COL28A1: variants seen among roughly 807,000 people sequenced by gnomAD.
COL28A1 encodes collagen alpha-1(XXVIII) chain.
Under a neutral mutation model 150.2 loss-of-function variants are expected in COL28A1, and 161 were observed. That is an observed-to-expected ratio of 1.07 (90% CI 0.94 to 1.22). The LOEUF is 1.22. Among genes scored for constraint, COL28A1 ranks in the 50% most tolerant of loss-of-function variants. COL28A1 has a pLI of 0.00. For synonymous variants in COL28A1, 552 were observed against 469.7 expected, an observed-to-expected ratio of 1.18 and a Z score of -2.26; for missense variants, 1,617 against 1,388.3, an observed-to-expected ratio of 1.16 and a Z score of -2.62.
chr7:7,387,121 T>C (rs551293200), intron 27 of COL28A1, among the ~76,000 whole-genome samples: 17 of 152,172 alleles, frequency 1.1e-4, no homozygotes, highest in African/African-American at 3.9e-4. Context: ...TTTCAACATA[T>C]GAATGTGGGG....
chr7:7,388,777 C>T (rs112182017), intron 27 of COL28A1, among the ~76,000 whole-genome samples: 5 of 152,108 alleles, frequency 3.3e-5, no homozygotes, highest in African/African-American at 4.8e-5. Context: ...CTTTTTTTCA[C>T]GTTTGCTGAC....
At position 7,453,423 on chromosome 7, in the gene COL28A1, C is replaced by T. The variant is rs1423437006; in HGVS notation, c.1440+17G>A. 1.9e-6 allele frequency: 2 copies of T among 1,060,202 alleles called. No homozygotes were observed. Among genetic ancestry groups the T allele is most frequent in the East Asian group, 4.7e-5 (2 of 42,482 alleles). The allele number at this position is 1,060,202 out of a possible 1,614,324, so 65.7% of individuals were successfully genotyped here. A position where few individuals can be genotyped will look rare whatever the true frequency, so the allele number is the denominator to read the frequency against. On this transcript the variant is annotated intron_variant, in intron 17 of 34. Coordinates refer to ENST00000399429, the MANE Select transcript of COL28A1 (RefSeq NM_001037763.3). ...TACTATAGATATATTAAACTCCGCT[C>T]TCATTTACAAAGTTACCTTGGAACC...
chr7:7,530,493 C>T (rs527319750), intron 3 of COL28A1, among the ~76,000 whole-genome samples: 21 of 152,308 alleles, frequency 1.4e-4, no homozygotes, highest in Non-Finnish European at 2.9e-5. Context: ...TAAAGGACAC[C>T]TTTGCCTTCC....
upstream of COL28A1, among the ~76,000 whole-genome samples, chr7:7,537,767 G>A (rs148409035): frequency 3.1e-3 from 467 of 152,216 alleles, 6 homozygotes; most frequent in African/African-American, 0.011. Context: ...AAATAACAAC[G>A]GAATTTCCTA....
intron 11 of COL28A1, among the ~76,000 whole-genome samples, chr7:7,500,271 G>A (rs898782773): frequency 2.0e-5 from 3 of 152,176 alleles, no homozygotes; most frequent in East Asian, 3.8e-4. Flanking sequence ...CCTGTCTTCA[G>A]TATGATACTG....
Position 7,373,180 on chromosome 7 carries a change from G to T in COL28A1, c.2726C>A (p.Ser909Tyr). ...ALVITDGQTDSRDKEKLTEVV... is the reference protein window; with the variant it reads ...ALVITDGQTDYRDKEKLTEVV... ...CTCTGTCAGTTTCTCTTTATCACGAGAATCTGTCTGTCCATCAGTGATGAC... is the reference window on the plus strand; with the variant it reads ...CTCTGTCAGTTTCTCTTTATCACGATAATCTGTCTGTCCATCAGTGATGAC... The change falls in exon 32 of 35, where the codon TCT becomes TAT. Residue 909 changes from serine (S) to tyrosine (Y), a missense_variant. Physicochemically the swap from Ser to Tyr is moderately radical, Grantham distance 144. Coordinates refer to ENST00000399429, the MANE Select transcript of COL28A1 (RefSeq NM_001037763.3). The surrounding 1 kb of genome is among the most constrained non-coding windows in gnomAD (Gnocchi z 4.1). 6.2e-7 allele frequency: 1 copy of T among 1,614,168 alleles called. No homozygotes were observed. The highest frequency in any genetic ancestry group is 1.1e-5 in the South Asian group (1 of 91,080).
chr7:7,536,959 A>G (rs1030112176), upstream of COL28A1, among the ~76,000 whole-genome samples: 1 of 152,210 alleles, frequency 6.6e-6, no homozygotes, highest in South Asian at 2.1e-4. Context: ...GATAATGAAG[A>G]CAATTTTCCC....
chr7:7,471,924 A>T (rs1347932017), intron 15 of COL28A1, among the ~76,000 whole-genome samples: 1 of 152,178 alleles, frequency 6.6e-6, no homozygotes, highest in East Asian at 1.9e-4. Context: ...CAAAAATCAC[A>T]TGATGATCTC....
chr7:7,507,248 T>C, intron 9 of COL28A1, 87 bp from the exon 10 acceptor site: 6 of 716,904 alleles, frequency 8.4e-6, no homozygotes, highest in Non-Finnish European at 1.2e-5. Flanking sequence ...AAATGTGTTC[T>C]CGGTAATTGC....
the COL28A1 span, among the ~76,000 whole-genome samples, chr7:7,343,306 GCCC>G: frequency 6.6e-6 from 1 of 151,810 alleles, no homozygotes; most frequent in East Asian, 1.9e-4. Context: ...TATGCCTCAT[GCCC>G]CCTTTTTTCC....
At chr7:7,517,731 G>A (rs1215619653) in intron 7 of COL28A1, 65 bp downstream of exon 7, 2 of 1,610,288 alleles carry the variant, frequency 1.2e-6, no homozygotes, top group African/African-American at 2.7e-5. Flanking sequence ...GGGTCAAAAT[G>A]GTCAACCACA....
At chr7:7,386,661 A>G (rs922708723) in intron 27 of COL28A1, among the ~76,000 whole-genome samples, 2 of 152,178 alleles carry the variant, frequency 1.3e-5, no homozygotes, top group African/African-American at 2.4e-5. Flanking sequence ...TGCAGGCACA[A>G]GAGAAAATCA....
chr7:7,386,655 G>A (rs2128292016), intron 27 of COL28A1, among the ~76,000 whole-genome samples: 1 of 152,298 alleles, frequency 6.6e-6, no homozygotes. Context: ...GGGAGCTGCA[G>A]GCACAAGAGA....
intron 13 of COL28A1, among the ~76,000 whole-genome samples, chr7:7,487,164 C>A (rs1350772339): frequency 6.6e-6 from 1 of 151,274 alleles, no homozygotes; most frequent in East Asian, 1.9e-4. Context: ...TAAAAAAAAA[C>A]ATTTTAAGAA....
At position 7,380,695 on chromosome 7, in the gene COL28A1, C is replaced by T. The variant is rs1412889165; in HGVS notation, c.2287G>A (p.Gly763Ser). Reference protein sequence around the residue: ...IGEPGSPGKQGLQGPKGDLGL... With the variant: ...IGEPGSPGKQSLQGPKGDLGL... ...AGGTCTCCTTTGGGTCCTTGTAAAC[C>T]CTACTTAGTGGAAGAAGAGTAAAAG... The change falls in exon 30 of 35, where the codon GGT becomes AGT. Residue 763 changes from glycine to serine, a missense_variant and splice_region_variant. Transcript: ENST00000399429. The T allele has an allele frequency of 1.2e-6, 2 of 1,613,620 alleles. No individual in the cohort carries two copies. The highest frequency in any genetic ancestry group is 2.2e-5 in the South Asian group (2 of 91,064).
intron 16 of COL28A1, among the ~76,000 whole-genome samples, chr7:7,455,315 TATGGTAAACAAAAGACTAC>T (rs1787057556): frequency 1.3e-5 from 2 of 152,324 alleles, no homozygotes; most frequent in South Asian, 4.1e-4. Context: ...CAACAAAGTA[TATGGTAAACAAAAGACTAC>T]ATGGTAAACA....
intron 23 of COL28A1, 37 bp from the exon 24 acceptor site, chr7:7,432,737 C>T (rs1785064742): frequency 1.3e-6 from 2 of 1,544,014 alleles, no homozygotes; most frequent in South Asian, 1.1e-5. Flanking sequence ...TCATGAGACT[C>T]AACTAGAAAA....
At chr7:7,424,770 G>A (rs1045247364) in intron 25 of COL28A1, among the ~76,000 whole-genome samples, 4 of 151,986 alleles carry the variant, frequency 2.6e-5, no homozygotes, top group East Asian at 1.9e-4. Flanking sequence ...CTCTTGGCCC[G>A]CCAAAGGGAT....
chr7:7,455,505 A>T (rs547761020), intron 16 of COL28A1, among the ~76,000 whole-genome samples: 2 of 152,316 alleles, frequency 1.3e-5, no homozygotes, highest in South Asian at 2.1e-4. Context: ...GCCAGGTGTC[A>T]TTTATAAATT....
Sources: gnomAD v4.1 joint callset for allele counts (sites outside exome capture counted in the v4.1 genomes callset) on GRCh38, gnomAD v4.1.1 for gene constraint, Gnocchi (gnomAD v3.1) non-coding constraint, MANE v1.5 for transcripts, NCBI Gene and HGNC (gene_info 2026-07-23, HGNC 2026-07-21) for gene names.